ADAMTS6: variants seen among roughly 807,000 people sequenced by gnomAD.
The protein encoded by ADAMTS6 is A disintegrin and metalloproteinase with thrombospondin motifs 6.
ADAMTS6 carries 23 observed loss-of-function variants against 144.3 expected under a neutral mutation model. The observed-to-expected ratio is 0.16, with a 90% CI of 0.11 to 0.23. The LOEUF is 0.23. ADAMTS6 is among the 10% of genes least tolerant of loss of function. The pLI is 1.00. For missense variants in ADAMTS6, 999 were observed against 1,379.6 expected, an observed-to-expected ratio of 0.72 and a Z score of 4.37; for synonymous variants, 444 against 457.5, an observed-to-expected ratio of 0.97 and a Z score of 0.38.
At chr5:65,335,033 C>G (rs1457440984) in intron 7 of ADAMTS6, among the ~76,000 whole-genome samples, 1 of 152,092 alleles carries the variant, frequency 6.6e-6, no homozygotes, top group African/African-American at 2.4e-5. Context: ...TAAGAGTTCT[C>G]TTTTATTATA....
intron 11 of ADAMTS6, among the ~76,000 whole-genome samples, chr5:65,282,063 G>A (rs1163835599): frequency 6.6e-6 from 1 of 152,104 alleles, no homozygotes; most frequent in African/African-American, 2.4e-5. Context: ...ATTAAGGAAA[G>A]CAGTATGTGA....
chr5:65,241,492 A>G (rs1231948467), intron 15 of ADAMTS6, among the ~76,000 whole-genome samples: 1 of 152,058 alleles, frequency 6.6e-6, no homozygotes. Context: ...CGGCCTCCCA[A>G]AGTGCTGGGA....
intron 21 of ADAMTS6, among the ~76,000 whole-genome samples, chr5:65,196,642 A>G (rs1202187047): frequency 7.2e-6 from 1 of 138,178 alleles, no homozygotes; most frequent in South Asian, 2.4e-4. Flanking sequence ...CTTTTTTTTT[A>G]TGTGCCATTA....
At chr5:65,378,959 A>G (rs943396174) in intron 7 of ADAMTS6, among the ~76,000 whole-genome samples, 1 of 152,170 alleles carries the variant, frequency 6.6e-6, no homozygotes, top group African/African-American at 2.4e-5. Context: ...AAGAGAATAA[A>G]AAAAAAGTCA....
In ADAMTS6 at chr5:65,224,952, C is replaced by T. The variant is rs147626238; in HGVS notation, c.2163G>A (p.Gly721=). The part of the protein sequence containing the change: ...GDGSTCDAIE[G]FFNDSLPRGG... ...CCCTGGGCAGTGAATCATTGAAGAA[C>T]CCTTCAATGGCATCACATGTGCTTC... is the stretch of plus-strand genomic sequence containing the variant. The change falls in exon 17 of 25, where the codon GGG becomes GGA. Residue 721 remains glycine (G), a synonymous_variant. Coordinates refer to ENST00000381055, the MANE Select transcript of ADAMTS6 (RefSeq NM_197941.4). 11 of 1,613,824 alleles carry T rather than the reference C, an allele frequency of 6.8e-6. No individual in the cohort carries two copies. The African/African-American group carries it at 1.3e-4, about 20-fold the overall frequency.
intron 15 of ADAMTS6, among the ~76,000 whole-genome samples, chr5:65,241,855 A>C (rs1313148029): frequency 6.6e-6 from 1 of 152,302 alleles, no homozygotes; most frequent in East Asian, 1.9e-4. Context: ...AAGGAATTTT[A>C]TACCTTGTTA....
At chr5:65,168,181 C>T (rs1339382370) in intron 24 of ADAMTS6, among the ~76,000 whole-genome samples, 1 of 145,980 alleles carries the variant, frequency 6.9e-6, no homozygotes, top group Non-Finnish European at 1.5e-5. Context: ...GCAACTTCAG[C>T]AAAGTCTCAG....
At chr5:65,187,890 T>C (rs1754767041) in intron 22 of ADAMTS6, 126 bp downstream of exon 22, 6 of 901,932 alleles carry the variant, frequency 6.7e-6, no homozygotes, top group African/African-American at 1.7e-5. Context: ...AAATATAACA[T>C]GGTCACTGTT....
intron 11 of ADAMTS6, 129 bp downstream of exon 11, chr5:65,291,200 G>C: frequency 9.3e-7 from 1 of 1,079,610 alleles, no homozygotes; most frequent in East Asian, 2.7e-5. Flanking sequence ...AAAAACTGCA[G>C]TGTCAAAAGC....
At chr5:65,343,064 G>T (rs75385086) in intron 7 of ADAMTS6, among the ~76,000 whole-genome samples, 4 of 151,986 alleles carry the variant, frequency 2.6e-5, no homozygotes, top group African/African-American at 9.7e-5. Flanking sequence ...CAAACCAATG[G>T]AAAGATATCC....
chr5:65,230,191 T>C (rs1385275082), intron 15 of ADAMTS6, among the ~76,000 whole-genome samples: 2 of 150,176 alleles, frequency 1.3e-5, no homozygotes, highest in Non-Finnish European at 3.0e-5. Flanking sequence ...TTTTTGTATA[T>C]GATTGAAGGT....
At chr5:65,351,815 A>G (rs993390223) in intron 7 of ADAMTS6, among the ~76,000 whole-genome samples, 1 of 152,176 alleles carries the variant, frequency 6.6e-6, no homozygotes, top group Non-Finnish European at 1.5e-5. Flanking sequence ...AACAAAAAAA[A>G]AAGAGAAGAA....
chr5:65,293,606 GA>G (rs1265990889), intron 10 of ADAMTS6, among the ~76,000 whole-genome samples: 5 of 152,064 alleles, frequency 3.3e-5, no homozygotes, highest in Admixed American at 6.5e-5. Flanking sequence ...ACTTAACCCA[GA>G]AGGAAGCAAG....
chr5:65,311,136 A>C (rs1744457360), intron 9 of ADAMTS6, among the ~76,000 whole-genome samples: 1 of 152,198 alleles, frequency 6.6e-6, no homozygotes, highest in Non-Finnish European at 1.5e-5. Flanking sequence ...CTGAATCCAA[A>C]TAAATTGTGC....
At chr5:65,348,717 G>A (rs1268623691) in intron 7 of ADAMTS6, among the ~76,000 whole-genome samples, 1 of 151,928 alleles carries the variant, frequency 6.6e-6, no homozygotes, top group Admixed American at 6.6e-5. Flanking sequence ...TAATCATCCA[G>A]TAATGAATAT....
rs1760897050 is a variant in ADAMTS6, at chr5:65,477,156, A to AT, written c.-279-3205dup. Among the ~76,000 whole-genome samples the AT allele has an allele frequency of 2.6e-5, 4 of 152,290 alleles. No individual in the cohort carries two copies. In the South Asian group the frequency reaches 8.3e-4, roughly 32 times the overall value. On this transcript the variant is annotated intron_variant, in intron 1 of 24. Transcript: ENST00000381055. ...CAGATTCCATACTCTAAACCTTCCC[A>AT]TGTAATATTAAAGTATAATTGTCAC...
chr5:65,438,226 C>T (rs1757598341), intron 7 of ADAMTS6, among the ~76,000 whole-genome samples: 1 of 152,024 alleles, frequency 6.6e-6, no homozygotes, highest in Admixed American at 6.6e-5. Context: ...CACCAATGCT[C>T]AGTATAAAAA....
In ADAMTS6 at chr5:65,390,654, C is replaced by T. The variant is rs778453464; in HGVS notation, c.1074-56569G>A. ...TTTCATACTGTACATGTGAATAGTCCAAAATAACAGAAATAATAAATTAGG... is the reference window on the plus strand; with the variant it reads ...TTTCATACTGTACATGTGAATAGTCTAAAATAACAGAAATAATAAATTAGG... On this transcript the variant is annotated intron_variant, in intron 7 of 24. Coordinates refer to ENST00000381055, the MANE Select transcript of ADAMTS6 (RefSeq NM_197941.4). 6.0e-4 allele frequency among the ~76,000 whole-genome samples: 92 copies of T among 152,142 alleles called. No individual in the cohort carries two copies. The Middle Eastern group carries it at 0.024, about 39-fold the overall frequency.
chr5:65,404,618 G>A (rs1177276935), intron 7 of ADAMTS6, among the ~76,000 whole-genome samples: 3 of 152,176 alleles, frequency 2.0e-5, no homozygotes, highest in African/African-American at 7.2e-5. Flanking sequence ...ATGTGCATGT[G>A]TCTTTATAGC....
Sources: gnomAD v4.1 joint callset for allele counts (sites outside exome capture counted in the v4.1 genomes callset) on GRCh38, gnomAD v4.1.1 for gene constraint, MANE v1.5 for transcripts, NCBI Gene and HGNC (gene_info 2026-07-23, HGNC 2026-07-21) for gene names.